Variants in SASH1 observed in about 807,000 individuals in gnomAD.
The protein encoded by SASH1 is SAM and SH3 domain containing 1.
In SASH1, 44 loss-of-function variants were observed where a neutral mutation model predicts 125.2. The ratio of observed to expected loss-of-function variants is 0.35; its 90% confidence interval spans 0.28 to 0.45. The LOEUF is 0.45. SASH1 is among the 20% of genes least tolerant of loss of function. The pLI, the probability that SASH1 is intolerant of heterozygous loss-of-function variation, is 1.00. For synonymous variants in SASH1, 639 were observed against 649.1 expected (o/e 0.98, Z 0.24); for missense variants, 1,426 against 1,614.5 (o/e 0.88, Z 2.00).
chr6:148,259,384 AG>A, the SASH1 span, among the ~76,000 whole-genome samples: 1 of 152,184 alleles, frequency 6.6e-6, no homozygotes, highest in Non-Finnish European at 1.5e-5. Flanking sequence ...CTGAAGAGAG[AG>A]GAAGTCCAGA....
At chr6:148,443,144 A>G (rs1396417817) in intron 4 of SASH1, among the ~76,000 whole-genome samples, 7 of 8,006 alleles carry the variant, frequency 8.7e-4, no homozygotes, top group Non-Finnish European at 1.4e-3. Context: ...CACTTTTTAG[A>G]AAAAAAAAAA....
intron 8 of SASH1, among the ~76,000 whole-genome samples, chr6:148,499,615 A>G (rs1779480112): frequency 1.3e-5 from 2 of 152,320 alleles, no homozygotes; most frequent in South Asian, 4.1e-4. Flanking sequence ...AAGCCCCAGC[A>G]AAGAGGGTCT....
intron 1 of SASH1, among the ~76,000 whole-genome samples, chr6:148,326,596 T>G (rs1307549741): frequency 6.6e-5 from 10 of 150,408 alleles, no homozygotes; most frequent in Non-Finnish European, 1.5e-4. Flanking sequence ...GAGACGGGGT[T>G]TCACCATGTT....
At chr6:148,463,007 A>G (rs141898751) in intron 4 of SASH1, among the ~76,000 whole-genome samples, 49 of 152,264 alleles carry the variant, frequency 3.2e-4, no homozygotes, top group African/African-American at 9.6e-4. Flanking sequence ...AGTGTAAAGA[A>G]TTTCATGTTG....
rs192205984 is a variant in SASH1, at chr6:148,429,554, C to T, written c.286-10630C>T. Reference sequence around the variant, plus strand: ...TTGCTTGAGGCCAGGAGTTTGAGACCAGCCTGGCCAACATAGCAAGACTCC... The same window carrying T: ...TTGCTTGAGGCCAGGAGTTTGAGACTAGCCTGGCCAACATAGCAAGACTCC... On this transcript the variant is annotated intron_variant, in intron 2 of 19. Transcript: ENST00000367467. Among the ~76,000 whole-genome samples the T allele has an allele frequency of 4.2e-3, 645 of 151,984 alleles. 3 individuals are homozygous for T. Among genetic ancestry groups the T allele is most frequent in the South Asian group, 7.3e-3 (35 of 4,804 alleles).
the SASH1 span, among the ~76,000 whole-genome samples, chr6:148,223,881 A>G: frequency 1.3e-5 from 2 of 152,356 alleles, no homozygotes; most frequent in East Asian, 3.9e-4. Context: ...TCAATAATCT[A>G]TACTGCTTTG....
At chr6:148,326,336 A>G (rs1373250682) in intron 1 of SASH1, among the ~76,000 whole-genome samples, 1 of 63,748 alleles carries the variant, frequency 1.6e-5, no homozygotes, top group Non-Finnish European at 3.1e-5. Context: ...ATATATATAT[A>G]TATATATATA....
At position 148,548,778 on chromosome 6, in the gene SASH1, A is replaced by G. The variant is rs1293959653; in HGVS notation, c.*220A>G. The G allele has an allele frequency of 2.1e-6, 1 of 479,026 alleles. No individual in the cohort carries two copies. Among genetic ancestry groups the G allele is most frequent in the Non-Finnish European group, 3.6e-6 (1 of 275,390 alleles). The allele number at this position is 479,026 out of a possible 1,614,324, so 29.7% of individuals were successfully genotyped here. A position where few individuals can be genotyped will look rare whatever the true frequency, so the allele number is the denominator to read the frequency against. On this transcript the variant is annotated 3_prime_UTR_variant, in exon 20 of 20. Coordinates refer to ENST00000367467, the MANE Select transcript of SASH1 (RefSeq NM_015278.5). ...TTAGTGCGGTTCTCTTTGACCCCCA[A>G]AGACAAGACAAGCACTTATTTTTAT...
the SASH1 span, among the ~76,000 whole-genome samples, chr6:148,231,191 A>G: frequency 1.3e-5 from 2 of 152,346 alleles, no homozygotes; most frequent in South Asian, 4.1e-4. Context: ...ATTCTTTTGC[A>G]TGTGGATATT....
intron 7 of SASH1, among the ~76,000 whole-genome samples, chr6:148,474,653 C>A (rs1778261306): frequency 6.6e-6 from 1 of 152,142 alleles, no homozygotes. Flanking sequence ...CTCACAGCAG[C>A]CTCAACCTCC....
chr6:148,343,094 G>C lies in SASH1; in HGVS notation c.27G>C (p.Pro9=). The change falls in exon 1 of 20, where the codon CCG becomes CCC. Residue 9 remains proline (P), a synonymous_variant. Transcript: ENST00000367467. MEDAGAAG[P]GPEPEPEPEP... ...TGGAGGACGCGGGAGCAGCTGGCCC[G>C]GGGCCGGAGCCTGAGCCCGAGCCCG... The C allele has an allele frequency of 1.3e-6, 2 of 1,548,918 alleles. No homozygotes were observed.
At chr6:148,303,911 A>G (rs1310732797) in intron 1 of SASH1, among the ~76,000 whole-genome samples, 2 of 152,206 alleles carry the variant, frequency 1.3e-5, no homozygotes, top group Admixed American at 1.3e-4. Flanking sequence ...GGAAAAATGC[A>G]ATATACCAAA....
chr6:148,326,376 A>ATGCTTTTCTTTTCTTTTCTTTTCTT (rs1582968893), intron 1 of SASH1, among the ~76,000 whole-genome samples: 1 of 38,294 alleles, frequency 2.6e-5, no homozygotes, highest in Non-Finnish European at 5.0e-5. Flanking sequence ...ATATATATAC[A>ATGCTTTTCTTTTCTTTTCTTTTCTT]TTCTTTTCTT....
chr6:148,303,703 G>A (rs769069370), intron 1 of SASH1, among the ~76,000 whole-genome samples: 199 of 151,574 alleles, frequency 1.3e-3, no homozygotes, highest in Non-Finnish European at 2.1e-3. Flanking sequence ...GCTGAGGCAG[G>A]AGAATCGCTA....
At chr6:148,409,046 C>T (rs1784492209) in intron 2 of SASH1, among the ~76,000 whole-genome samples, 2 of 152,236 alleles carry the variant, frequency 1.3e-5, no homozygotes, top group African/African-American at 4.8e-5. Flanking sequence ...TCTGCAGGCT[C>T]TTCTTGGTTC....
intron 17 of SASH1, among the ~76,000 whole-genome samples, chr6:148,541,710 C>T (rs904516551): frequency 6.6e-5 from 10 of 152,176 alleles, no homozygotes; most frequent in African/African-American, 2.4e-4. Context: ...CAGCCCTGCA[C>T]TCACATGACT....
At chr6:148,449,545 GC>G (rs1464169639) in intron 4 of SASH1, among the ~76,000 whole-genome samples, 2 of 151,830 alleles carry the variant, frequency 1.3e-5, no homozygotes, top group African/African-American at 4.8e-5. Flanking sequence ...GCACCACCAT[GC>G]CCGGCTAATT....
intron 8 of SASH1, chr6:148,513,377 C>T (rs1780261987): frequency 5.1e-6 from 5 of 985,302 alleles, no homozygotes; most frequent in African/African-American, 3.5e-5. Context: ...GGCATGCCCA[C>T]GCACCCGTGT....
At chr6:148,518,069 A>G (rs1007199024) in intron 9 of SASH1, among the ~76,000 whole-genome samples, 20 of 152,140 alleles carry the variant, frequency 1.3e-4, no homozygotes, top group African/African-American at 4.8e-4. Flanking sequence ...GACTATAACT[A>G]GAAGAGGTTG....
Sources: gnomAD v4.1 joint callset for allele counts (sites outside exome capture counted in the v4.1 genomes callset) on GRCh38, gnomAD v4.1.1 for gene constraint, MANE v1.5 for transcripts, NCBI Gene and HGNC (gene_info 2026-07-23, HGNC 2026-07-21) for gene names.